The following CPNE5 variants were observed in gnomAD, a reference collection of about 807,000 sequenced individuals.
The protein encoded by CPNE5 is copine 5, also known as copine-5.
Under a neutral mutation model 81.1 loss-of-function variants are expected in CPNE5, and 42 were observed. The observed-to-expected ratio is 0.52, with a 90% CI of 0.40 to 0.67. The LOEUF (loss-of-function observed/expected upper bound fraction) is 0.67. CPNE5 is among the 30% of genes least tolerant of loss of function. The probability of loss-of-function intolerance (pLI) is 0.00; values close to 1 mark genes in which losing one functional copy is unlikely to be tolerated. For missense variants in CPNE5, 612 were observed against 815.5 expected (o/e 0.75, Z 3.04); for synonymous variants, 313 against 321.5 (o/e 0.97, Z 0.28).
Position 36,839,326 on chromosome 6 carries a change from C to T in CPNE5, c.52G>A (p.Gly18Ser), listed in dbSNP as rs1773829612. The change falls in exon 1 of 21, where the codon GGC becomes AGC. Residue 18 changes from glycine to serine, a missense_variant. Transcript: ENST00000244751. This position sits in a 1 kb window ranked among gnomAD's most constrained non-coding sequence, Gnocchi z 7.3. Reference sequence around the variant, plus strand: ...TCCACCTTGGTGGCCGGGATGCTGCCCGCCAAGGAGTCGAACTCGCTCAGC... The same window carrying T: ...TCCACCTTGGTGGCCGGGATGCTGCTCGCCAAGGAGTCGAACTCGCTCAGC... ...ASLSEFDSLA[G>S]SIPATKVEIT... 5.2e-6 allele frequency: 8 copies of T among 1,552,150 alleles called. No homozygotes were observed. The highest frequency in any genetic ancestry group is 7.0e-6 in the Non-Finnish European group (8 of 1,147,392).
At chr6:36,818,396 G>A (rs941879999) in intron 3 of CPNE5, among the ~76,000 whole-genome samples, 2 of 152,126 alleles carry the variant, frequency 1.3e-5, no homozygotes, top group Non-Finnish European at 1.5e-5. Context: ...CACATTTGGT[G>A]ATGCTCTGTT....
intron 3 of CPNE5, among the ~76,000 whole-genome samples, chr6:36,821,658 C>A (rs970620258): frequency 6.6e-6 from 1 of 152,042 alleles, no homozygotes. Flanking sequence ...GTTTTGGAGC[C>A]GGGACTTGAT....
Position 36,794,600 on chromosome 6 carries a change from C to G in CPNE5, c.454G>C (p.Val152Leu), listed in dbSNP as rs1200947155. ...TGTCTGGCAACGTACCCGTTGGACA[C>G]AGCTGGCATGGGTTTGCCCGTCCTG... Reference protein sequence around the residue: ...NSRTGKPMPAVSNGGVPGKKC... With the variant: ...NSRTGKPMPALSNGGVPGKKC... The change falls in exon 7 of 21, where the codon GTG (valine) becomes CTG (leucine). Residue 152 changes from valine to leucine, a missense_variant. Transcript: ENST00000244751. The G allele has an allele frequency of 6.2e-7, 1 of 1,614,012 alleles. No individual in the cohort carries two copies. Among genetic ancestry groups the G allele is most frequent in the Non-Finnish European group, 8.5e-7 (1 of 1,180,012 alleles).
At position 36,756,237 on chromosome 6, in the gene CPNE5, C is replaced by A; in HGVS notation, c.909+8G>T. The A allele has an allele frequency of 3.1e-6, 5 of 1,613,088 alleles. No homozygotes were observed. Among genetic ancestry groups the A allele is most frequent in the Non-Finnish European group, 4.2e-6 (5 of 1,179,372 alleles). On this transcript the variant is annotated splice_region_variant and intron_variant, in intron 13 of 20. Coordinates refer to ENST00000244751, the MANE Select transcript of CPNE5 (RefSeq NM_020939.2). ...CACCCGGCTGCAGAGACCGGGGTGG[C>A]TACTCACTGTGCCAGAATTCACGTA...
At position 36,742,846 on chromosome 6, in the gene CPNE5, T is replaced by TC. The variant is rs1000688438; in HGVS notation, c.1564-361dup. On this transcript the variant is annotated intron_variant, in intron 20 of 20. Transcript: ENST00000244751. ...TCTGGGGCACGTGCCCTCCTGGGTTTCCCCCGACCTGTCCAGCAGAGCCCT... is the reference window on the plus strand; with the variant it reads ...TCTGGGGCACGTGCCCTCCTGGGTTTCCCCCCGACCTGTCCAGCAGAGCCCT... 1.4e-5 allele frequency: 14 copies of TC among 985,210 alleles called. No homozygotes were observed. The African/African-American group carries it at 1.9e-4, about 14-fold the overall frequency. 61.0% of individuals were successfully genotyped at this position (985,210 alleles called of 1,614,324 possible). A position where few individuals can be genotyped will look rare whatever the true frequency, so the allele number is the denominator to read the frequency against.
chr6:36,821,977 T>C (rs1772092796), intron 3 of CPNE5, 137 bp downstream of exon 3: 2 of 710,798 alleles, frequency 2.8e-6, no homozygotes, highest in Non-Finnish European at 4.5e-6. Context: ...ACTTCATGCT[T>C]TGCACACCTT....
At chr6:36,805,087 AT>A (rs1348782231) in intron 3 of CPNE5, among the ~76,000 whole-genome samples, 1 of 152,264 alleles carries the variant, frequency 6.6e-6, no homozygotes, top group African/African-American at 2.4e-5. Context: ...TACCCCATTA[AT>A]GATGGCAGGA....
At chr6:36,835,099 G>A (rs1185538448) in intron 1 of CPNE5, among the ~76,000 whole-genome samples, 1 of 152,240 alleles carries the variant, frequency 6.6e-6, no homozygotes, top group Non-Finnish European at 1.5e-5. Context: ...GCTAAGCAAT[G>A]GGCTGCTTCC....
At chr6:36,759,611 C>T (rs187663645) in intron 12 of CPNE5, among the ~76,000 whole-genome samples, 15 of 152,176 alleles carry the variant, frequency 9.9e-5, no homozygotes, top group Admixed American at 9.8e-4. Flanking sequence ...CAGAAGGAAC[C>T]CCAGGAGCAC....
chr6:36,788,890 G>A (rs1309127019), intron 8 of CPNE5, among the ~76,000 whole-genome samples: 5 of 152,138 alleles, frequency 3.3e-5, no homozygotes, highest in African/African-American at 9.7e-5. Context: ...GTCATCCTTT[G>A]CTGGTTCCCA....
intron 8 of CPNE5, among the ~76,000 whole-genome samples, chr6:36,789,773 A>G (rs1768923169): frequency 6.6e-6 from 1 of 152,140 alleles, no homozygotes; most frequent in Non-Finnish European, 1.5e-5. Context: ...CTAATCATTC[A>G]GTCACATATT....
chr6:36,746,556 G>A lies in CPNE5; in HGVS notation c.1040C>T (p.Ser347Phe). 1.2e-6 allele frequency: 2 copies of A among 1,612,850 alleles called. No individual in the cohort carries two copies. Among genetic ancestry groups the A allele is most frequent in the Non-Finnish European group, 1.7e-6 (2 of 1,179,382 alleles). ...ASNGNPSQST[S>F]LHYMSPYQLN... Reference sequence around the variant, plus strand: ...CTGGTAGGGGCTCATGTAGTGCAGGGATGTGGACTGTGAGGGGTTCCCTGT... The same window carrying A: ...CTGGTAGGGGCTCATGTAGTGCAGGAATGTGGACTGTGAGGGGTTCCCTGT... Residue 347 changes from serine (S) to phenylalanine (F), a missense_variant, in exon 16 of 21, where the codon TCC (serine) becomes TTC (phenylalanine). Physicochemically the swap from Ser to Phe is radical, Grantham distance 155. Transcript: ENST00000244751. This position sits in a 1 kb window ranked among gnomAD's most constrained non-coding sequence, Gnocchi z 4.5.
In CPNE5 at chr6:36,744,210, G is replaced by C. The variant is rs566275081; in HGVS notation, c.1489+58C>G. The C allele has an allele frequency of 1.2e-3, 1,572 of 1,349,662 alleles. 3 individuals carry two copies. Among genetic ancestry groups the C allele is most frequent in the Non-Finnish European group, 1.0e-3 (997 of 960,724 alleles). 83.6% of individuals were successfully genotyped at this position (1,349,662 alleles called of 1,614,324 possible). On this transcript the variant is annotated intron_variant, in intron 19 of 20. Transcript: ENST00000244751. ...CAGCCTCTGGGGAAACATCTGGGGTGGGGGCAGGGTTGCGTGGCTAGGGAA... is the reference window on the plus strand; with the variant it reads ...CAGCCTCTGGGGAAACATCTGGGGTCGGGGCAGGGTTGCGTGGCTAGGGAA...
chr6:36,831,718 T>C (rs551719544), intron 1 of CPNE5, among the ~76,000 whole-genome samples: 3 of 151,618 alleles, frequency 2.0e-5, no homozygotes, highest in Admixed American at 1.3e-4. Flanking sequence ...GTGTCAGTAG[T>C]GTTCAGTTAT....
intron 8 of CPNE5, among the ~76,000 whole-genome samples, chr6:36,781,966 C>G (rs1768068688): frequency 6.6e-6 from 1 of 152,170 alleles, no homozygotes; most frequent in Non-Finnish European, 1.5e-5. Flanking sequence ...CTAGTCCTGG[C>G]TCTGCATAGC....
intron 10 of CPNE5, among the ~76,000 whole-genome samples, chr6:36,768,392 C>A (rs73414269): frequency 0.02 from 2,972 of 151,884 alleles, 101 homozygotes; most frequent in African/African-American, 0.064. Context: ...CCATCATATC[C>A]GGCTAATTTT....
At chr6:36,790,795 G>A (rs1327825279) in intron 8 of CPNE5, among the ~76,000 whole-genome samples, 2 of 152,012 alleles carry the variant, frequency 1.3e-5, no homozygotes, top group South Asian at 2.1e-4. Flanking sequence ...CGCCCGCCTC[G>A]GCCTCCCAAA....
Position 36,756,272 on chromosome 6 carries a change from C to T in CPNE5, c.882G>A (p.Lys294=). The T allele has an allele frequency of 6.2e-7, 1 of 1,613,844 alleles. No individual in the cohort carries two copies. Among genetic ancestry groups the T allele is most frequent in the African/African-American group, 1.3e-5 (1 of 75,022 alleles). The change falls in exon 13 of 21, where the codon AAG becomes AAA. Residue 294 remains lysine, a synonymous_variant. Coordinates refer to ENST00000244751, the MANE Select transcript of CPNE5 (RefSeq NM_020939.2). The stretch of plus-strand genomic sequence containing the variant: ...TGCCAGAATTCACGTATTTCTTTTT[C>T]TTCATTTTCTTTTTCGGGTTTACCA... ...YEVVNPKKKM[K]KKKYVNSGTV... is the part of the protein sequence containing the mutation.
At chr6:36,777,329 C>T (rs1008466497) in intron 9 of CPNE5, among the ~76,000 whole-genome samples, 13 of 152,144 alleles carry the variant, frequency 8.5e-5, no homozygotes, top group South Asian at 2.1e-4. Flanking sequence ...TTCACCATGT[C>T]GGTCACGAGG....
Sources: allele counts gnomAD v4.1 joint callset (sites outside exome capture counted in the v4.1 genomes callset), GRCh38; gene constraint gnomAD v4.1.1; non-coding constraint Gnocchi (gnomAD v3.1); transcripts MANE v1.5; gene names NCBI Gene and HGNC (gene_info 2026-07-23, HGNC 2026-07-21).